Variants in CSMD1 observed in about 807,000 individuals in gnomAD.
CSMD1 encodes the protein CUB and Sushi multiple domains 1, also known as CUB and sushi domain-containing protein 1.
Under a neutral mutation model 417.5 loss-of-function variants are expected in CSMD1, and 213 were observed. That is an observed-to-expected ratio of 0.51 (90% CI 0.46 to 0.57). The LOEUF (loss-of-function observed/expected upper bound fraction) is 0.57, where lower values mean the gene tolerates loss of function less well. Among genes scored for constraint, CSMD1 ranks in the 20% least tolerant of loss-of-function variants. The pLI is 0.00. For missense variants in CSMD1, 6,923 were observed against 4,529.7 expected (o/e 1.53, Z -15.17); for synonymous variants, 2,862 against 1,736.8 (o/e 1.65, Z -16.11).
At chr8:3,526,706 G>T (rs1797768263) in intron 10 of CSMD1, among the ~76,000 whole-genome samples, 1 of 152,158 alleles carries the variant, frequency 6.6e-6, no homozygotes, top group East Asian at 1.9e-4. Context: ...AGCCAAAATT[G>T]TCACTTCCTA....
chr8:3,607,553 C>T (rs551652656), intron 8 of CSMD1, among the ~76,000 whole-genome samples: 4 of 152,304 alleles, frequency 2.6e-5, no homozygotes, highest in South Asian at 2.1e-4. Flanking sequence ...CATGTGAGGA[C>T]TGCTCTGTGC....
intron 3 of CSMD1, among the ~76,000 whole-genome samples, chr8:4,359,492 G>A (rs991449688): frequency 6.6e-6 from 1 of 152,094 alleles, no homozygotes; most frequent in Non-Finnish European, 1.5e-5. Flanking sequence ...CTTCCTCTTT[G>A]TCTCTTATAG....
intron 37 of CSMD1, among the ~76,000 whole-genome samples, chr8:3,171,040 T>C (rs1470045932): frequency 6.6e-6 from 1 of 152,176 alleles, no homozygotes; most frequent in Non-Finnish European, 1.5e-5. Flanking sequence ...GAGCATGGTG[T>C]TGTGTTGAAA....
intron 1 of CSMD1, among the ~76,000 whole-genome samples, chr8:4,699,602 C>G (rs1221304063): frequency 6.6e-6 from 1 of 152,110 alleles, no homozygotes; most frequent in Non-Finnish European, 1.5e-5. Flanking sequence ...AACATCAGAG[C>G]TCTTGGCATT....
chr8:3,486,501 G>T (rs578254079), intron 11 of CSMD1, among the ~76,000 whole-genome samples: 1 of 152,240 alleles, frequency 6.6e-6, no homozygotes, highest in South Asian at 2.1e-4. Context: ...GGTCTTTTGG[G>T]TCTGTAAAAA....
At chr8:4,666,500 G>C (rs1804947544) in intron 1 of CSMD1, among the ~76,000 whole-genome samples, 1 of 152,130 alleles carries the variant, frequency 6.6e-6, no homozygotes, top group East Asian at 1.9e-4. Flanking sequence ...TTTTTACTAA[G>C]ACCCTCCAGA....
chr8:3,181,003 T>A (rs259859), intron 37 of CSMD1, 107 bp downstream of exon 37: 340,898 of 737,314 alleles, frequency 0.46, 80,720 homozygotes, highest in African/African-American at 0.62. Flanking sequence ...TTTCACAGTT[T>A]TAGAAAAATA....
rs73502040 is a variant in CSMD1 at position 4,833,882 on chromosome 8, C to A, written c.85+160450G>T. 3.2e-3 allele frequency among the ~76,000 whole-genome samples: 483 copies of A among 152,292 alleles called. 1 individual carries two copies. The highest frequency in any genetic ancestry group is 0.011 in the African/African-American group (460 of 41,558). ...GTACTCTAGTGAAGGTTGTAAATAACAAACCGTACATGTCACTTGGATTGG... is the reference window on the plus strand; with the variant it reads ...GTACTCTAGTGAAGGTTGTAAATAAAAAACCGTACATGTCACTTGGATTGG... On this transcript the variant is annotated intron_variant, in intron 1 of 69. Transcript: ENST00000635120.
chr8:3,544,958 C>G lies in CSMD1; in HGVS notation c.1344+29987G>C, dbSNP rs540411015. ...TAAATATCTTAGATCTCTTCTTTCTCATGTGTCAACTTGATCCTTCATTTT... is the reference window on the plus strand; with the variant it reads ...TAAATATCTTAGATCTCTTCTTTCTGATGTGTCAACTTGATCCTTCATTTT... On this transcript the variant is annotated intron_variant, in intron 10 of 69. Transcript: ENST00000635120. Among the ~76,000 whole-genome samples, 114 of 151,788 alleles carry G rather than the reference C, an allele frequency of 7.5e-4. 2 individuals carry two copies. Among genetic ancestry groups the G allele is most frequent in the Middle Eastern group, 6.8e-3 (2 of 294 alleles).
At chr8:3,792,859 T>C (rs915912142) in intron 5 of CSMD1, among the ~76,000 whole-genome samples, 3 of 152,228 alleles carry the variant, frequency 2.0e-5, no homozygotes, top group Non-Finnish European at 4.4e-5. Flanking sequence ...GATGAAATTT[T>C]AAGTCACCCT....
At chr8:3,550,209 G>T (rs1231423268) in intron 10 of CSMD1, among the ~76,000 whole-genome samples, 1 of 152,106 alleles carries the variant, frequency 6.6e-6, no homozygotes, top group Non-Finnish European at 1.5e-5. Flanking sequence ...CCATCAGCAG[G>T]CATTCCAATG....
At chr8:3,135,046 C>G (rs1026544786) in intron 41 of CSMD1, among the ~76,000 whole-genome samples, 4 of 152,130 alleles carry the variant, frequency 2.6e-5, no homozygotes, top group African/African-American at 4.8e-5. Flanking sequence ...ACCTCAGCCT[C>G]CCAAGTAGCC....
chr8:4,893,143 C>T (rs1468144417), intron 1 of CSMD1, among the ~76,000 whole-genome samples: 1 of 152,066 alleles, frequency 6.6e-6, no homozygotes, highest in African/African-American at 2.4e-5. Context: ...AAACATAATA[C>T]CTTTTTGTTG....
intron 1 of CSMD1, among the ~76,000 whole-genome samples, chr8:4,922,928 G>C (rs536269680): frequency 6.6e-6 from 1 of 152,204 alleles, no homozygotes; most frequent in East Asian, 1.9e-4. Flanking sequence ...CTTATTCCTA[G>C]TCTTGGTGTA....
At chr8:4,120,107 C>G (rs185613753) in intron 3 of CSMD1, among the ~76,000 whole-genome samples, 5 of 152,122 alleles carry the variant, frequency 3.3e-5, no homozygotes, top group African/African-American at 7.2e-5. Flanking sequence ...GATGGACACC[C>G]CATTATCCAT....
chr8:4,470,191 G>T lies in CSMD1; in HGVS notation c.303-50126C>A, dbSNP rs577240121. On this transcript the variant is annotated intron_variant, in intron 2 of 69. Coordinates refer to ENST00000635120, the MANE Select transcript of CSMD1 (RefSeq NM_033225.6). ...AACCTCATCTATTCCTCTCCATTGT[G>T]ATCCTTCACCTGCCTCCTCTGGCCT... 2.0e-5 allele frequency among the ~76,000 whole-genome samples: 3 copies of T among 152,152 alleles called. No individual in the cohort carries two copies. The South Asian group carries it at 6.2e-4, about 32-fold the overall frequency.
chr8:3,571,024 G>A (rs577320069), intron 10 of CSMD1, among the ~76,000 whole-genome samples: 1 of 152,288 alleles, frequency 6.6e-6, no homozygotes, highest in East Asian at 1.9e-4. Flanking sequence ...GGATTTAAAT[G>A]AATTTGGAAA....
chr8:4,928,735 T>C (rs918290663), intron 1 of CSMD1, among the ~76,000 whole-genome samples: 1 of 152,010 alleles, frequency 6.6e-6, no homozygotes, highest in Non-Finnish European at 1.5e-5. Context: ...TGCCTCAGAA[T>C]AGGATTTTAT....
At chr8:3,249,217 TTGC>T (rs1157827043) in intron 26 of CSMD1, among the ~76,000 whole-genome samples, 1 of 152,172 alleles carries the variant, frequency 6.6e-6, no homozygotes, top group Non-Finnish European at 1.5e-5. Flanking sequence ...GTTCTTTTTG[TTGC>T]TGCTGCTGCT....
Sources: gnomAD v4.1 joint callset for allele counts (sites outside exome capture counted in the v4.1 genomes callset) on GRCh38, gnomAD v4.1.1 for gene constraint, MANE v1.5 for transcripts, NCBI Gene and HGNC (gene_info 2026-07-23, HGNC 2026-07-21) for gene names.